TENM3: variants seen among roughly 807,000 people sequenced by gnomAD.
TENM3 encodes the protein teneurin-3.
TENM3 carries 63 observed loss-of-function variants against 255.1 expected under a neutral mutation model. The ratio of observed to expected loss-of-function variants is 0.25; its 90% CI spans 0.20 to 0.30. The LOEUF (loss-of-function observed/expected upper bound fraction) is 0.30, where lower values mean the gene tolerates loss of function less well. TENM3 is among the 10% of genes least tolerant of loss of function. The probability of loss-of-function intolerance (pLI) is 1.00; values close to 1 mark genes in which losing one functional copy is unlikely to be tolerated. For synonymous variants in TENM3, 1,306 were observed against 1,322.3 expected, an observed-to-expected ratio of 0.99 and a Z score of 0.27; for missense variants, 2,929 against 3,461.1, an observed-to-expected ratio of 0.85 and a Z score of 3.86.
intron 5 of TENM3, among the ~76,000 whole-genome samples, chr4:182,647,570 G>A (rs890103131): frequency 1.3e-5 from 2 of 152,126 alleles, no homozygotes; most frequent in Non-Finnish European, 2.9e-5. Context: ...CCTTTTTAAG[G>A]CAGAATACTC....
At chr4:182,757,581 A>T (rs1217530508) in intron 22 of TENM3, among the ~76,000 whole-genome samples, 1 of 152,172 alleles carries the variant, frequency 6.6e-6, no homozygotes, top group Non-Finnish European at 1.5e-5. Context: ...AGTTTGGAAA[A>T]TTAGAGAAAT....
chr4:181,566,552 G>A, the TENM3 span, among the ~76,000 whole-genome samples: 2 of 152,036 alleles, frequency 1.3e-5, no homozygotes, highest in Non-Finnish European at 2.9e-5. Context: ...TCTCAGAGGG[G>A]CATCAAAGTG....
the TENM3 span, among the ~76,000 whole-genome samples, chr4:182,090,387 C>G: frequency 2.0e-5 from 3 of 152,118 alleles, no homozygotes; most frequent in Non-Finnish European, 2.9e-5. Context: ...CATTAGTGAC[C>G]AGGAACAAAA....
At chr4:181,570,655 AAAGC>A in the TENM3 span, among the ~76,000 whole-genome samples, 7,034 of 150,300 alleles carry the variant, frequency 0.047, 196 homozygotes, top group African/African-American at 0.08. Flanking sequence ...AGAAAGAAGG[AAAGC>A]AAGCAAGCAA....
the TENM3 span, among the ~76,000 whole-genome samples, chr4:182,046,965 C>G: frequency 6.6e-6 from 1 of 152,148 alleles, no homozygotes; most frequent in African/African-American, 2.4e-5. Context: ...CAGATCCTAC[C>G]TCTCTGATCA....
chr4:181,968,984 C>A, the TENM3 span, among the ~76,000 whole-genome samples: 18 of 128,568 alleles, frequency 1.4e-4, no homozygotes, highest in African/African-American at 4.9e-4. Context: ...CTCTCTCTCT[C>A]TCTCTCTCTA....
At chr4:182,207,519 A>AT (rs1186890992) in intron 1 of TENM3, among the ~76,000 whole-genome samples, 2 of 152,214 alleles carry the variant, frequency 1.3e-5, no homozygotes, top group African/African-American at 4.8e-5. Flanking sequence ...CAGAGCTGTT[A>AT]TTAAAATTAT....
chr4:182,430,407 G>T (rs1486675141), intron 3 of TENM3, among the ~76,000 whole-genome samples: 1 of 152,118 alleles, frequency 6.6e-6, no homozygotes, highest in Non-Finnish European at 1.5e-5. Context: ...AATTAGCTGG[G>T]CGTGGTGGCA....
chr4:182,065,526 C>A, the TENM3 span, among the ~76,000 whole-genome samples: 1 of 152,166 alleles, frequency 6.6e-6, no homozygotes, highest in Non-Finnish European at 1.5e-5. Flanking sequence ...CACTTTTAAA[C>A]AGCCAGATCT....
chr4:182,003,322 G>C, the TENM3 span, among the ~76,000 whole-genome samples: 1 of 152,032 alleles, frequency 6.6e-6, no homozygotes, highest in Non-Finnish European at 1.5e-5. Flanking sequence ...TACTGTGATC[G>C]AAGTGTGCAA....
chr4:182,422,379 T>C (rs1302712079), intron 3 of TENM3, among the ~76,000 whole-genome samples: 1 of 152,230 alleles, frequency 6.6e-6, no homozygotes, highest in East Asian at 1.9e-4. Flanking sequence ...TTTTGACCTG[T>C]TGTCACATTG....
chr4:181,912,585 G>C, the TENM3 span, among the ~76,000 whole-genome samples: 1 of 151,894 alleles, frequency 6.6e-6, no homozygotes, highest in Non-Finnish European at 1.5e-5. Flanking sequence ...TTGAGGTCAG[G>C]AGTTCAAGAC....
the TENM3 span, among the ~76,000 whole-genome samples, chr4:182,061,724 C>G: frequency 6.6e-6 from 1 of 151,948 alleles, no homozygotes; most frequent in Non-Finnish European, 1.5e-5. Flanking sequence ...TTTGGGAGAC[C>G]GAGATGGGAG....
chr4:181,845,186 AC>A, the TENM3 span, among the ~76,000 whole-genome samples: 2 of 152,188 alleles, frequency 1.3e-5, no homozygotes, highest in Non-Finnish European at 2.9e-5. Flanking sequence ...CCTTTTCAAA[AC>A]TTGAGACTAT....
rs191254249 is a variant in TENM3 at position 182,201,707 on chromosome 4, C to T, written c.-76+56953C>T. Among the ~76,000 whole-genome samples the T allele has an allele frequency of 2.0e-3, 303 of 152,204 alleles. 1 individual carries two copies. Among genetic ancestry groups the T allele is most frequent in the African/African-American group, 6.9e-3 (286 of 41,510 alleles). On this transcript the variant is annotated intron_variant, in intron 1 of 2. Coordinates refer to the TENM3 transcript ENST00000512480. Reference sequence around the variant, plus strand: ...GAAAGGCAAGCAGAGCTACTGGAAGCCCCCCTTAGGTTAGAAACAAAATAC... The same window carrying T: ...GAAAGGCAAGCAGAGCTACTGGAAGTCCCCCTTAGGTTAGAAACAAAATAC...
intron 3 of TENM3, among the ~76,000 whole-genome samples, chr4:182,404,625 AT>A (rs1477224402): frequency 1.3e-5 from 2 of 152,234 alleles, no homozygotes; most frequent in South Asian, 2.1e-4. Flanking sequence ...CTGATTAAAA[AT>A]GTCAAGACTT....
At chr4:182,389,931 C>A (rs1184389406) in intron 3 of TENM3, among the ~76,000 whole-genome samples, 1 of 152,026 alleles carries the variant, frequency 6.6e-6, no homozygotes. Flanking sequence ...GTGATCCGCC[C>A]GCCTCAGCCT....
chr4:181,743,735 T>C, the TENM3 span, among the ~76,000 whole-genome samples: 1 of 152,066 alleles, frequency 6.6e-6, no homozygotes, highest in South Asian at 2.1e-4. Context: ...GATGGGGAGC[T>C]TTTAAAGGAC....
At chr4:181,851,402 A>G in the TENM3 span, among the ~76,000 whole-genome samples, 37 of 152,304 alleles carry the variant, frequency 2.4e-4, no homozygotes, top group East Asian at 7.0e-3. Context: ...TAGATGCTGC[A>G]TCAGGATAGA....
Sources: allele counts gnomAD v4.1 joint callset (sites outside exome capture counted in the v4.1 genomes callset), GRCh38; gene constraint gnomAD v4.1.1; transcripts MANE v1.5; gene names NCBI Gene and HGNC (gene_info 2026-07-23, HGNC 2026-07-21).